Variants in DCBLD2 observed in about 807,000 individuals in gnomAD.
DCBLD2 encodes the protein discoidin, CUB and LCCL domain containing 2.
In DCBLD2, 54 loss-of-function variants were observed where a neutral mutation model predicts 86.8. That is an observed-to-expected ratio of 0.62 (90% confidence interval 0.50 to 0.78). DCBLD2 has a LOEUF of 0.78. DCBLD2 is among the 30% of genes least tolerant of loss of function. The probability of loss-of-function intolerance (pLI) is 0.00; values close to 1 mark genes in which losing one functional copy is unlikely to be tolerated. For missense variants in DCBLD2, 908 were observed against 954.2 expected (o/e 0.95, Z 0.64); for synonymous variants, 354 against 341.3 (o/e 1.04, Z -0.41).
chr3:98,819,255 G>A lies in DCBLD2; in HGVS notation c.1034C>T (p.Thr345Ile), dbSNP rs538909861. 99 of 1,608,892 alleles carry A rather than the reference G, an allele frequency of 6.2e-5. 2 individuals are homozygous for A. The South Asian group carries it at 1.1e-3, about 17-fold the overall frequency. ...TATTTGTAACCACTGGTATTCATCA[G>A]TGGCAAAAGCAGCCCAAGGCGGTCC... ...KPGPPWAAFA[T>I]DEYQWLQIDL... is the part of the protein sequence containing the mutation. The change falls in exon 8 of 16, where the codon ACT becomes ATT. Residue 345 changes from threonine (T) to isoleucine (I), a missense_variant. Physicochemically the swap from Thr to Ile is moderately conservative, Grantham distance 89 (BLOSUM62 -1). This residue lies in a region of DCBLD2 where 606 missense variants were observed against 678.5 expected (regional missense o/e 0.89). Transcript: ENST00000326840.
chr3:98,808,014 C>T lies in DCBLD2; in HGVS notation c.1670+67G>A. The stretch of plus-strand genomic sequence containing the variant: ...CTCTCAAACAGGTAAACATTTTCAT[C>T]TTCTATATTTAGCTTCTACTTCACA... On this transcript the variant is annotated intron_variant, in intron 13 of 15. Coordinates refer to ENST00000326840, the MANE Select transcript of DCBLD2 (RefSeq NM_080927.4). The T allele has an allele frequency of 2.5e-6, 3 of 1,202,728 alleles. No homozygotes were observed. The South Asian group carries it at 6.2e-5, about 25-fold the overall frequency. 74.5% of individuals were successfully genotyped at this position (1,202,728 alleles called of 1,614,324 possible).
At chr3:98,841,361 A>G (rs1023993975) in intron 3 of DCBLD2, among the ~76,000 whole-genome samples, 2 of 152,242 alleles carry the variant, frequency 1.3e-5, no homozygotes, top group African/African-American at 4.8e-5. Flanking sequence ...ATACATTTAA[A>G]AAAAATAAAG....
At chr3:98,861,896 AG>A (rs1943050556) in intron 2 of DCBLD2, among the ~76,000 whole-genome samples, 1 of 152,220 alleles carries the variant, frequency 6.6e-6, no homozygotes, top group Non-Finnish European at 1.5e-5. Context: ...TGAAGGAGAT[AG>A]GGACACAAAA....
chr3:98,822,159 C>G, intron 6 of DCBLD2, 69 bp downstream of exon 6: 2 of 1,576,234 alleles, frequency 1.3e-6, no homozygotes, highest in Non-Finnish European at 1.7e-6. Context: ...CTAGCTAGTT[C>G]TTAGCCCAGT....
intron 3 of DCBLD2, among the ~76,000 whole-genome samples, chr3:98,833,717 A>C (rs1019307316): frequency 6.6e-6 from 1 of 152,102 alleles, no homozygotes; most frequent in African/African-American, 2.4e-5. Context: ...TTTTGGTGAG[A>C]TGGGTACTGT....
chr3:98,823,501 T>A (rs1942159673), intron 4 of DCBLD2, among the ~76,000 whole-genome samples: 1 of 152,210 alleles, frequency 6.6e-6, no homozygotes, highest in Non-Finnish European at 1.5e-5. Flanking sequence ...TGCTGTCTGT[T>A]GAGTGTAGGG....
chr3:98,825,643 T>TTATATATATATATATATATATATATATA (rs56736194), intron 3 of DCBLD2, among the ~76,000 whole-genome samples: 4 of 115,100 alleles, frequency 3.5e-5, no homozygotes, highest in Non-Finnish European at 7.2e-5. Context: ...ATATGTGTAT[T>TTATATATATATATATATATATATATATA]TATATATATA....
chr3:98,885,133 G>A (rs1320369351), intron 1 of DCBLD2, among the ~76,000 whole-genome samples: 2 of 151,988 alleles, frequency 1.3e-5, no homozygotes, highest in Non-Finnish European at 2.9e-5. Flanking sequence ...ACCTTGTGTA[G>A]GGGGAGGGCA....
rs1476787247 is a variant in DCBLD2 at position 98,886,808 on chromosome 3, CCTTT to C, written c.206-5045_206-5042del. 4.9e-3 allele frequency among the ~76,000 whole-genome samples: 610 copies of C among 125,320 alleles called. 4 individuals carry two copies. Among genetic ancestry groups the C allele is most frequent in the African/African-American group, 0.017 (579 of 33,618 alleles). The allele number at this position is 125,320 out of a possible 152,430, so 82.2% of individuals were successfully genotyped here. A position where few individuals can be genotyped will look rare whatever the true frequency, so the allele number is the denominator to read the frequency against. ...GATATTATTACAGGAAAACCCCCCC[CCTTT>C]TTTTTTTTTTTTTACTACTTATCCC... On this transcript the variant is annotated intron_variant, in intron 1 of 15. Transcript: ENST00000326840.
intron 2 of DCBLD2, among the ~76,000 whole-genome samples, chr3:98,881,306 T>C (rs942277489): frequency 6.7e-6 from 1 of 150,144 alleles, no homozygotes; most frequent in Non-Finnish European, 1.5e-5. Flanking sequence ...TCCTTCTTAG[T>C]AGTACAGTGG....
intron 3 of DCBLD2, among the ~76,000 whole-genome samples, chr3:98,826,025 AG>A (rs34093605): frequency 0.049 from 7,458 of 152,254 alleles, 253 homozygotes; most frequent in Non-Finnish European, 0.07. Context: ...AGCACACGGA[AG>A]CTGCAGTAGC....
intron 2 of DCBLD2, among the ~76,000 whole-genome samples, chr3:98,860,720 G>A (rs1219529900): frequency 6.6e-6 from 1 of 152,126 alleles, no homozygotes; most frequent in East Asian, 1.9e-4. Flanking sequence ...AGCTCCTAAA[G>A]GAAGCACTAA....
At chr3:98,883,186 T>C (rs962055152) in intron 1 of DCBLD2, among the ~76,000 whole-genome samples, 1 of 151,530 alleles carries the variant, frequency 6.6e-6, no homozygotes, top group Non-Finnish European at 1.5e-5. Context: ...TGATGAGCAT[T>C]TTTTTCATAT....
At chr3:98,839,199 C>CTTT (rs71124004) in intron 3 of DCBLD2, among the ~76,000 whole-genome samples, 94 of 144,338 alleles carry the variant, frequency 6.5e-4, no homozygotes, top group African/African-American at 2.3e-3. Flanking sequence ...TTCCTTCCTT[C>CTTT]CTTCCTTCTT....
chr3:98,799,502 T>C lies in DCBLD2; in HGVS notation c.2198A>G (p.Asp733Gly), dbSNP rs199992795. The change falls in exon 16 of 16, where the codon GAT becomes GGT. Residue 733 changes from aspartate to glycine, a missense_variant. This residue lies in a region of DCBLD2 where 606 missense variants were observed against 678.5 expected (regional missense o/e 0.89). Transcript: ENST00000326840. ...ACCTGGCTTCCCAGCTTTCGGGGTA[T>C]CATACTGGGCCTGGGCTGAGGAGCA... ...DSCSSAQAQY[D>G]TPKAGKPGLP... 2.1e-4 allele frequency: 344 copies of C among 1,613,994 alleles called. No homozygotes were observed. Among genetic ancestry groups the C allele is most frequent in the Middle Eastern group, 9.9e-4 (6 of 6,062 alleles).
chr3:98,881,663 G>A lies in DCBLD2; in HGVS notation c.310C>T (p.Arg104Cys), dbSNP rs374307805. Residue 104 changes from arginine (R) to cysteine (C), a missense_variant, in exon 2 of 16, where the codon CGT becomes TGT. By Grantham distance (180) the Arg-to-Cys change is radical (BLOSUM62 -3). Around this residue, in one of 3 missense-constraint regions of DCBLD2, gnomAD observed 294 missense variants for 256.0 expected, o/e 1.15. Transcript: ENST00000326840. ...CGAACTCTCTCTCCCATCTTTACACGGATCTCCCATTCACAAACAGTGCTG... is the reference window on the plus strand; with the variant it reads ...CGAACTCTCTCTCCCATCTTTACACAGATCTCCCATTCACAAACAGTGCTG... ...PNSTVCEWEI[R>C]VKMGERVRIK... 30 of 1,613,774 alleles carry A rather than the reference G, an allele frequency of 1.9e-5. No individual in the cohort carries two copies. The highest frequency in any genetic ancestry group is 2.5e-5 in the Non-Finnish European group (30 of 1,179,826).
intron 2 of DCBLD2, among the ~76,000 whole-genome samples, chr3:98,871,319 C>T (rs1036455006): frequency 6.6e-5 from 10 of 152,048 alleles, no homozygotes; most frequent in South Asian, 2.1e-4. Context: ...TCCAGTACTA[C>T]GTTGAATAAA....
chr3:98,825,472 A>C, intron 3 of DCBLD2, 106 bp from the exon 4 acceptor site: 1 of 814,312 alleles, frequency 1.2e-6, no homozygotes, highest in Non-Finnish European at 1.9e-6. Flanking sequence ...ATTTTCAAAA[A>C]TCTCAATGGC....
Position 98,811,453 on chromosome 3 carries a change from T to G in DCBLD2, c.1450+15A>C. 6.2e-7 allele frequency: 1 copy of G among 1,613,552 alleles called. No homozygotes were observed. The highest frequency in any genetic ancestry group is 1.1e-5 in the South Asian group (1 of 91,074). On this transcript the variant is annotated intron_variant, in intron 11 of 15. Transcript: ENST00000326840. ...TCCAAGGAATATCAAATTCTCACAT[T>G]AAAAACAGGCATACCTTTGGCTATT...
Sources: allele counts gnomAD v4.1 joint callset (sites outside exome capture counted in the v4.1 genomes callset), GRCh38; gene constraint gnomAD v4.1.1; regional missense constraint gnomAD v4.1.1; transcripts MANE v1.5; gene names NCBI Gene and HGNC (gene_info 2026-07-23, HGNC 2026-07-21).